Variants in ADAR observed in about 807,000 individuals in gnomAD.
The protein encoded by ADAR is adenosine deaminase RNA specific, also known as double-stranded RNA-specific adenosine deaminase.
In ADAR, 41 loss-of-function variants were observed where a neutral mutation model predicts 113.2. The ratio of observed to expected loss-of-function variants is 0.36; its 90% CI spans 0.28 to 0.47. The LOEUF is 0.47. Ranked by LOEUF, ADAR falls within the 20% of genes least tolerant of loss-of-function variation. ADAR has a pLI of 1.00. For synonymous variants in ADAR, 605 were observed against 572.6 expected (o/e 1.06, Z -0.81); for missense variants, 1,242 against 1,540.9 (o/e 0.81, Z 3.25).
chr1:154,602,019 C>T lies in ADAR; in HGVS notation c.623G>A (p.Ser208Asn), dbSNP rs777250560. ...ATGACCGTCTGGTCTTACCACTCCG[C>T]TGTGCTGGTTCCAAGCCTGAGTGGA... The part of the protein sequence containing the change: ...AVSTQAWNQH[S>N]GVVRPDGHSQ... Residue 208 changes from serine (S) to asparagine (N), a missense_variant, in exon 2 of 15, where the codon AGC (serine) becomes AAC (asparagine). Physicochemically the swap from Ser to Asn is conservative, Grantham distance 46. Around this residue, in one of 2 missense-constraint regions of ADAR, gnomAD observed 462 missense variants for 483.1 expected, o/e 0.96. Coordinates refer to ENST00000368474, the MANE Select transcript of ADAR (RefSeq NM_001111.5). 13 of 1,614,264 alleles carry T rather than the reference C, an allele frequency of 8.1e-6. No individual in the cohort carries two copies. Among genetic ancestry groups the T allele is most frequent in the Non-Finnish European group, 1.1e-5 (13 of 1,180,046 alleles).
At position 154,601,840 on chromosome 1, in the gene ADAR, C is replaced by T; in HGVS notation, c.802G>A (p.Gly268Arg). 1 of 1,614,220 alleles carries T rather than the reference C, an allele frequency of 6.2e-7. No individual in the cohort carries two copies. The highest frequency in any genetic ancestry group is 8.5e-7 in the Non-Finnish European group (1 of 1,180,038). The change falls in exon 2 of 15, where the codon GGA becomes AGA. Residue 268 changes from glycine (G) to arginine (R), a missense_variant. Coordinates refer to ENST00000368474, the MANE Select transcript of ADAR (RefSeq NM_001111.5). This position sits in a 1 kb window ranked among gnomAD's most constrained non-coding sequence, Gnocchi z 4.7. ...AAACCTGGGTCTGAGTTTGGGGATC[C>T]TTGGCTATGACTGTCTGGTCTTACC... ...GVVRPDSHSQ[G>R]SPNSDPGLEP... is the part of the protein sequence containing the mutation.
intron 6 of ADAR, among the ~76,000 whole-genome samples, chr1:154,594,785 C>G (rs967200681): frequency 6.6e-6 from 1 of 152,300 alleles, no homozygotes; most frequent in Non-Finnish European, 1.5e-5. Flanking sequence ...TTCTGAGAAA[C>G]TGAATTTGTC....
intron 1 of ADAR, among the ~76,000 whole-genome samples, chr1:154,618,123 T>C (rs1422323971): frequency 6.6e-6 from 1 of 150,870 alleles, no homozygotes; most frequent in African/African-American, 2.4e-5. Flanking sequence ...CTTCTTCATA[T>C]AGTAAGTATA....
rs970910157 is a variant in ADAR, at chr1:154,582,908, T to A, written c.*1898A>T. The A allele has an allele frequency of 1.3e-5, 2 of 152,280 alleles. No homozygotes were observed. The highest frequency in any genetic ancestry group is 2.4e-5 in the African/African-American group (1 of 41,478). 9.4% of individuals were successfully genotyped at this position (152,280 alleles called of 1,614,324 possible). A position where few individuals can be genotyped will look rare whatever the true frequency, so the allele number is the denominator to read the frequency against. On this transcript the variant is annotated 3_prime_UTR_variant, in exon 15 of 15. Coordinates refer to ENST00000368474, the MANE Select transcript of ADAR (RefSeq NM_001111.5). ...CTCCAGGAGACAGGCGCCACTTCCC[T>A]ACCAGTTCCTTGGGATGCTTTGGTG...
At chr1:154,613,178 A>C (rs1698539067), upstream of ADAR, among the ~76,000 whole-genome samples, 1 of 152,034 alleles carries the variant, frequency 6.6e-6, no homozygotes, top group African/African-American at 2.4e-5. Context: ...ATAACCTGTA[A>C]AGCTTTTGGT....
Position 154,585,837 on chromosome 1 carries a change from G to T in ADAR, c.3231C>A (p.Thr1077=). The T allele has an allele frequency of 3.7e-6, 6 of 1,614,072 alleles. No homozygotes were observed. The highest frequency in any genetic ancestry group is 5.1e-6 in the Non-Finnish European group (6 of 1,179,962). The change falls in exon 13 of 15, where the codon ACC becomes ACA. Residue 1077 remains threonine (T), a synonymous_variant. Transcript: ENST00000368474. ...LGYLFSQGHL[T]RAICCRVTRD... ...TTGTCACACGACAGCAAATAGCACG[G>T]GTCAGATGCCCTTGGCTGAAAAGGT...
intron 6 of ADAR, 43 bp downstream of exon 6, chr1:154,596,762 C>T: frequency 6.2e-7 from 1 of 1,608,736 alleles, no homozygotes; most frequent in Non-Finnish European, 8.5e-7. Context: ...ACAGACCATC[C>T]CCAACTGGTG....
At chr1:154,622,322 C>T (rs1432233345) in intron 1 of ADAR, among the ~76,000 whole-genome samples, 1 of 152,182 alleles carries the variant, frequency 6.6e-6, no homozygotes, top group African/African-American at 2.4e-5. Flanking sequence ...GATAGCTCTA[C>T]TTCTGGAGGG....
intron 1 of ADAR, among the ~76,000 whole-genome samples, chr1:154,618,967 G>A (rs772131242): frequency 9.9e-5 from 15 of 152,114 alleles, no homozygotes; most frequent in Non-Finnish European, 2.2e-4. Context: ...AACATTAGCC[G>A]GGCGTGGTGG....
upstream of ADAR, among the ~76,000 whole-genome samples, chr1:154,610,013 G>A (rs1414888089): frequency 6.6e-6 from 1 of 152,082 alleles, no homozygotes; most frequent in African/African-American, 2.4e-5. Context: ...ATAACAATGG[G>A]CAAAAACAAT....
At position 154,602,126 on chromosome 1, in the gene ADAR, G is replaced by A; in HGVS notation, c.516C>T (p.Ile172=). The A allele has an allele frequency of 6.2e-7, 1 of 1,614,218 alleles. No homozygotes were observed. Among genetic ancestry groups the A allele is most frequent in the Non-Finnish European group, 8.5e-7 (1 of 1,180,038 alleles). ...SGKLGTPKKE[I]NRVLYSLAKK... Reference sequence around the variant, plus strand: ...TTGCCAGGGAGTATAAAACTCGATTGATTTCTTTCTTCGGAGTCCCAAGTT... The same window carrying A: ...TTGCCAGGGAGTATAAAACTCGATTAATTTCTTTCTTCGGAGTCCCAAGTT... Residue 172 remains isoleucine (I), a synonymous_variant, in exon 2 of 15, where the codon ATC becomes ATT. Coordinates refer to ENST00000368474, the MANE Select transcript of ADAR (RefSeq NM_001111.5).
chr1:154,614,375 C>A (rs898215442), intron 1 of ADAR, among the ~76,000 whole-genome samples: 1 of 152,186 alleles, frequency 6.6e-6, no homozygotes, highest in African/African-American at 2.4e-5. Flanking sequence ...TGAGTCAGGA[C>A]CCAAAGGGGG....
chr1:154,627,925 ACCCTCC>A (rs770833604), exon 1 of ADAR: 1 of 260,478 alleles, frequency 3.8e-6, no homozygotes, highest in Admixed American at 3.3e-5. Flanking sequence ...CCCTCCCCCC[ACCCTCC>A]CCCACCACGT....
At chr1:154,586,036 C>G in intron 12 of ADAR, 145 bp downstream of exon 12, 1 of 1,232,438 alleles carries the variant, frequency 8.1e-7, no homozygotes, top group South Asian at 1.3e-5. Flanking sequence ...CCTACCACAG[C>G]AGACTGGACA....
chr1:154,587,197 A>G (rs1026272404), intron 11 of ADAR, among the ~76,000 whole-genome samples: 2 of 152,112 alleles, frequency 1.3e-5, no homozygotes, highest in Non-Finnish European at 1.5e-5. Context: ...TTCTGTCTCT[A>G]TGGATTTGTC....
rs371876760 is a variant in ADAR, at chr1:154,614,009, G to C, written c.-870-11383C>G. The stretch of plus-strand genomic sequence containing the variant: ...TTTATCCACTCCAGTAAGTTATCTA[G>C]TAACAAAGAAAAAAAGTGGTATTTA... On this transcript the variant is annotated intron_variant, in intron 1 of 14. Transcript: ENST00000368471. Among the ~76,000 whole-genome samples, 22 of 151,674 alleles carry C rather than the reference G, an allele frequency of 1.5e-4. No homozygotes were observed. In the East Asian group the frequency reaches 2.3e-3, roughly 16 times the overall value.
intron 1 of ADAR, among the ~76,000 whole-genome samples, chr1:154,619,458 G>C (rs1176163947): frequency 6.6e-6 from 1 of 152,196 alleles, no homozygotes; most frequent in East Asian, 1.9e-4. Flanking sequence ...CTGTCTGTAC[G>C]AACCAACACA....
rs1696884938 is a variant in ADAR at position 154,588,131 on chromosome 1, C to G, written c.3013G>C (p.Glu1005Gln). 6.2e-7 allele frequency: 1 copy of G among 1,613,720 alleles called. No individual in the cohort carries two copies. Among genetic ancestry groups the G allele is most frequent in the Non-Finnish European group, 8.5e-7 (1 of 1,179,990 alleles). Residue 1005 changes from glutamate (E) to glutamine (Q), a missense_variant, in exon 11 of 15, where the codon GAG becomes CAG. Glu to Gln is a conservative substitution (Grantham distance 29). Coordinates refer to ENST00000368474, the MANE Select transcript of ADAR (RefSeq NM_001111.5). ...GGGGGCATGTATCACTCACCGTTCT[C>G]CACCTTGGTGCGGAGCTTTCCTTGT... ...PKQGKLRTKV[E>Q]NGEGTIPVES...
At chr1:154,627,544 G>A (rs1698979042) in intron 1 of ADAR, among the ~76,000 whole-genome samples, 1 of 152,238 alleles carries the variant, frequency 6.6e-6, no homozygotes, top group Non-Finnish European at 1.5e-5. Context: ...TTGGTACCCA[G>A]CTGCTGGGCT....
Sources: allele counts gnomAD v4.1 joint callset (sites outside exome capture counted in the v4.1 genomes callset), GRCh38; gene constraint gnomAD v4.1.1; regional missense constraint gnomAD v4.1.1; non-coding constraint Gnocchi (gnomAD v3.1); transcripts MANE v1.5; gene names NCBI Gene and HGNC (gene_info 2026-07-23, HGNC 2026-07-21).